The following TMEM178A variants were observed in gnomAD, a reference collection of about 807,000 sequenced individuals.
TMEM178A encodes transmembrane protein 178.
A neutral mutation model predicts 29.1 loss-of-function variants in TMEM178A; 12 were observed. The ratio of observed to expected loss-of-function variants is 0.41; its 90% CI spans 0.26 to 0.67. TMEM178A has a LOEUF of 0.67. TMEM178A is among the 30% of genes least tolerant of loss of function. TMEM178A has a pLI of 0.29. For synonymous variants in TMEM178A, 210 were observed against 187.2 expected (o/e 1.12, Z -0.99); for missense variants, 366 against 419.1 (o/e 0.87, Z 1.11).
At chr2:39,731,881 G>A in the TMEM178A span, among the ~76,000 whole-genome samples, 1 of 152,172 alleles carries the variant, frequency 6.6e-6, no homozygotes. Flanking sequence ...GGATGGCTGG[G>A]GAAAGGGTAG....
chr2:39,704,032 C>A (rs1355693661), intron 1 of TMEM178A, 49 bp from the exon 2 acceptor site: 1 of 1,536,386 alleles, frequency 6.5e-7, no homozygotes, highest in African/African-American at 1.4e-5. Context: ...TCTCAGAATT[C>A]TGTTACAAAT....
chr2:39,728,460 A>C, the TMEM178A span, among the ~76,000 whole-genome samples: 1 of 152,188 alleles, frequency 6.6e-6, no homozygotes, highest in Non-Finnish European at 1.5e-5. Flanking sequence ...TAGTTCAAAA[A>C]ATATTAATTG....
intron 1 of TMEM178A, among the ~76,000 whole-genome samples, chr2:39,673,545 C>G (rs576005632): frequency 6.6e-6 from 1 of 152,144 alleles, no homozygotes; most frequent in African/African-American, 2.4e-5. Flanking sequence ...TTGGTTTCAC[C>G]AAGTGATTTG....
downstream of TMEM178A, among the ~76,000 whole-genome samples, chr2:39,722,012 A>T (rs1169221090): frequency 6.8e-6 from 1 of 146,054 alleles, no homozygotes; most frequent in Non-Finnish European, 1.5e-5. Context: ...AAAAAAAAAA[A>T]AAAATCAGTG....
intron 1 of TMEM178A, among the ~76,000 whole-genome samples, chr2:39,680,537 T>C (rs1266454028): frequency 1.3e-5 from 2 of 152,222 alleles, no homozygotes; most frequent in Non-Finnish European, 2.9e-5. Flanking sequence ...AGGACTCAAC[T>C]GTATAATTTA....
downstream of TMEM178A, among the ~76,000 whole-genome samples, chr2:39,718,938 A>G (rs1261461240): frequency 6.6e-6 from 1 of 152,228 alleles, no homozygotes; most frequent in Non-Finnish European, 1.5e-5. Flanking sequence ...CTTCTTTATA[A>G]AAACTGATTT....
downstream of TMEM178A, among the ~76,000 whole-genome samples, chr2:39,718,212 T>C (rs1422622080): frequency 4.6e-5 from 7 of 152,212 alleles, no homozygotes; most frequent in East Asian, 1.3e-3. Flanking sequence ...TCTCTTTTTC[T>C]CTCATTTTCC....
intron 1 of TMEM178A, among the ~76,000 whole-genome samples, chr2:39,669,280 T>C (rs917205365): frequency 2.0e-5 from 3 of 152,172 alleles, no homozygotes; most frequent in African/African-American, 7.2e-5. Flanking sequence ...GGGAAGAAAA[T>C]GTAGAGTTGA....
chr2:39,684,668 A>C (rs1670998492), intron 1 of TMEM178A, among the ~76,000 whole-genome samples: 1 of 152,144 alleles, frequency 6.6e-6, no homozygotes, highest in Non-Finnish European at 1.5e-5. Flanking sequence ...GCTCCTGATA[A>C]CTTACTGGAT....
chr2:39,684,954 G>C (rs1016591454), intron 1 of TMEM178A, among the ~76,000 whole-genome samples: 5 of 152,110 alleles, frequency 3.3e-5, no homozygotes, highest in African/African-American at 9.7e-5. Context: ...CCTCTCACTG[G>C]AACCTTTTTC....
the TMEM178A span, among the ~76,000 whole-genome samples, chr2:39,729,067 T>A: frequency 1.3e-5 from 2 of 152,050 alleles, no homozygotes; most frequent in Non-Finnish European, 2.9e-5. Flanking sequence ...AACTCTAGGT[T>A]GTTCGGCAGA....
downstream of TMEM178A, among the ~76,000 whole-genome samples, chr2:39,719,592 C>G (rs1672664337): frequency 6.6e-6 from 1 of 152,190 alleles, no homozygotes; most frequent in East Asian, 1.9e-4. Context: ...GCCCTGAGTC[C>G]TTGGGCTTCT....
At chr2:39,704,593 G>A (rs532015000) in intron 2 of TMEM178A, among the ~76,000 whole-genome samples, 4 of 151,930 alleles carry the variant, frequency 2.6e-5, no homozygotes, top group African/African-American at 7.3e-5. Flanking sequence ...GTTCATCTCC[G>A]ACCTTTGTAT....
At chr2:39,668,206 A>G (rs1008467550) in intron 1 of TMEM178A, among the ~76,000 whole-genome samples, 2 of 152,244 alleles carry the variant, frequency 1.3e-5, no homozygotes, top group African/African-American at 2.4e-5. Context: ...TTTAGAGGTC[A>G]TTGAAGTTGA....
chr2:39,668,091 G>T (rs781333755), intron 1 of TMEM178A, among the ~76,000 whole-genome samples: 1 of 152,212 alleles, frequency 6.6e-6, no homozygotes, highest in Non-Finnish European at 1.5e-5. Context: ...TACAGTAGAA[G>T]AGGGGACCCC....
chr2:39,696,332 A>C (rs1671539893), intron 1 of TMEM178A, among the ~76,000 whole-genome samples: 1 of 152,150 alleles, frequency 6.6e-6, no homozygotes, highest in African/African-American at 2.4e-5. Context: ...ATCTGTGATG[A>C]CCATTTAAGG....
At chr2:39,698,707 T>G (rs1013323762) in intron 1 of TMEM178A, among the ~76,000 whole-genome samples, 7 of 152,136 alleles carry the variant, frequency 4.6e-5, no homozygotes, top group African/African-American at 1.2e-4. Context: ...TATTTTTTTT[T>G]TTTGTTTTGA....
chr2:39,708,409 ATTTTTTTTTT>A (rs956611778), intron 3 of TMEM178A, among the ~76,000 whole-genome samples: 23 of 69,702 alleles, frequency 3.3e-4, no homozygotes, highest in South Asian at 7.1e-4. Flanking sequence ...GAGTGACTTG[ATTTTTTTTTT>A]TTTTTTTTTT....
At chr2:39,676,848 C>A (rs1670648204) in intron 1 of TMEM178A, among the ~76,000 whole-genome samples, 1 of 152,038 alleles carries the variant, frequency 6.6e-6, no homozygotes, top group African/African-American at 2.4e-5. Flanking sequence ...TCCAGATCTA[C>A]CACTTTCTCC....
Sources: gnomAD v4.1 joint callset for allele counts (sites outside exome capture counted in the v4.1 genomes callset) on GRCh38, gnomAD v4.1.1 for gene constraint, MANE v1.5 for transcripts, NCBI Gene and HGNC (gene_info 2026-07-23, HGNC 2026-07-21) for gene names.